Variants in NPAS3 observed in about 807,000 individuals in gnomAD.
NPAS3 encodes neuronal PAS domain-containing protein 3.
NPAS3 carries 14 observed loss-of-function variants against 73.1 expected under a neutral mutation model. That is an observed-to-expected ratio of 0.19 (90% CI 0.13 to 0.30). The LOEUF is 0.30. NPAS3 is among the 10% of genes least tolerant of loss of function. The pLI, the probability that NPAS3 is intolerant of heterozygous loss-of-function variation, is 1.00. For synonymous variants in NPAS3, 620 were observed against 541.5 expected, an observed-to-expected ratio of 1.14 and a Z score of -2.01; for missense variants, 1,096 against 1,250.0, an observed-to-expected ratio of 0.88 and a Z score of 1.86.
At chr14:33,677,908 C>T (rs1041784184) in intron 6 of NPAS3, among the ~76,000 whole-genome samples, 3 of 152,140 alleles carry the variant, frequency 2.0e-5, no homozygotes, top group African/African-American at 7.2e-5. Flanking sequence ...GTTTTTTAGT[C>T]AATAGAATGT....
intron 1 of NPAS3, among the ~76,000 whole-genome samples, chr14:33,035,581 G>A (rs1057489009): frequency 6.6e-6 from 1 of 152,068 alleles, no homozygotes. Flanking sequence ...ATCTTGTTTT[G>A]CAATTCAGGG....
chr14:33,403,949 G>C (rs2047554117), intron 4 of NPAS3, among the ~76,000 whole-genome samples: 1 of 152,072 alleles, frequency 6.6e-6, no homozygotes, highest in South Asian at 2.1e-4. Context: ...ATTTAATTAA[G>C]CAGTAAGCAC....
intron 2 of NPAS3, among the ~76,000 whole-genome samples, chr14:33,090,410 C>T (rs1358912884): frequency 1.3e-5 from 2 of 152,156 alleles, no homozygotes; most frequent in Non-Finnish European, 2.9e-5. Flanking sequence ...AAGGCCATTA[C>T]ATAATGGTAA....
At chr14:33,543,167 C>G (rs537448093) in intron 4 of NPAS3, among the ~76,000 whole-genome samples, 6 of 152,234 alleles carry the variant, frequency 3.9e-5, no homozygotes, top group Admixed American at 6.5e-5. Context: ...GTTCTCATGA[C>G]CCAGCTCTCA....
chr14:33,212,674 A>T (rs188900822), intron 2 of NPAS3, among the ~76,000 whole-genome samples: 272 of 152,258 alleles, frequency 1.8e-3, no homozygotes, highest in African/African-American at 6.2e-3. Context: ...CCATATGAAG[A>T]TGAATTTTTT....
rs536063735 is a variant in NPAS3, at chr14:33,382,195, G to A, written c.468+14927G>A. Reference sequence around the variant, plus strand: ...GGGAGGGTACTCACTTCTACATGCTGCATTTTCTCCTGCTGAAAAATAACT... The same window carrying A: ...GGGAGGGTACTCACTTCTACATGCTACATTTTCTCCTGCTGAAAAATAACT... On this transcript the variant is annotated intron_variant, in intron 4 of 11. Transcript: ENST00000356141. Among the ~76,000 whole-genome samples, 109 of 151,990 alleles carry A rather than the reference G, an allele frequency of 7.2e-4. 2 individuals carry two copies. The South Asian group carries it at 0.022, about 30-fold the overall frequency.
chr14:33,013,300 C>T (rs1004328707), intron 1 of NPAS3, among the ~76,000 whole-genome samples: 2 of 151,968 alleles, frequency 1.3e-5, no homozygotes, highest in African/African-American at 4.8e-5. Context: ...AGCAGATTCT[C>T]TTATAAAGGT....
intron 4 of NPAS3, among the ~76,000 whole-genome samples, chr14:33,494,992 C>G (rs1415932966): frequency 6.6e-6 from 1 of 152,056 alleles, no homozygotes; most frequent in Non-Finnish European, 1.5e-5. Context: ...CTGCTCTGAT[C>G]TTAGTTATTT....
intron 5 of NPAS3, among the ~76,000 whole-genome samples, chr14:33,564,809 A>T (rs955071168): frequency 6.6e-6 from 1 of 152,214 alleles, no homozygotes; most frequent in Non-Finnish European, 1.5e-5. Flanking sequence ...TCAAGTTAAT[A>T]TAGGGTCCTG....
intron 4 of NPAS3, among the ~76,000 whole-genome samples, chr14:33,434,957 A>T (rs954833860): frequency 6.6e-6 from 1 of 152,150 alleles, no homozygotes; most frequent in African/African-American, 2.4e-5. Context: ...GGGAGATGGG[A>T]ACCTATACAC....
At chr14:33,445,294 A>G (rs897411363) in intron 4 of NPAS3, among the ~76,000 whole-genome samples, 7 of 152,198 alleles carry the variant, frequency 4.6e-5, no homozygotes, top group African/African-American at 1.7e-4. Context: ...CATTTTACAT[A>G]TTACTATATG....
intron 2 of NPAS3, among the ~76,000 whole-genome samples, chr14:33,083,149 C>T (rs1218812325): frequency 8.0e-6 from 1 of 125,524 alleles, no homozygotes; most frequent in Non-Finnish European, 1.6e-5. Context: ...TGCCATTACA[C>T]TCCAGCCTGG....
chr14:32,989,078 A>G (rs1172417591), intron 1 of NPAS3, among the ~76,000 whole-genome samples: 1 of 152,094 alleles, frequency 6.6e-6, no homozygotes, highest in African/African-American at 2.4e-5. Context: ...AACTAGTGTG[A>G]TGAATGCTGT....
chr14:32,993,149 C>CA (rs538579532), intron 1 of NPAS3, among the ~76,000 whole-genome samples: 4,310 of 91,898 alleles, frequency 0.047, 125 homozygotes, highest in African/African-American at 0.12. Flanking sequence ...AACTTCGTCT[C>CA]AAAAAAAAAA....
At chr14:33,683,493 C>CTATT (rs982539797) in intron 6 of NPAS3, among the ~76,000 whole-genome samples, 10 of 138,948 alleles carry the variant, frequency 7.2e-5, no homozygotes, top group Non-Finnish European at 1.5e-4. Context: ...ATTATAAATT[C>CTATT]TATTTCTATA....
At chr14:33,711,019 T>G (rs1276534423) in intron 6 of NPAS3, among the ~76,000 whole-genome samples, 1 of 152,326 alleles carries the variant, frequency 6.6e-6, no homozygotes, top group South Asian at 2.1e-4. Context: ...AAAGTTCTGC[T>G]GGGAGCAAGC....
At chr14:33,027,299 G>T (rs966440249) in intron 1 of NPAS3, among the ~76,000 whole-genome samples, 1 of 152,136 alleles carries the variant, frequency 6.6e-6, no homozygotes, top group South Asian at 2.1e-4. Context: ...AAATAGCAAG[G>T]CAGTTCAGAG....
chr14:33,279,057 A>G (rs2041468865), intron 3 of NPAS3, among the ~76,000 whole-genome samples: 1 of 152,158 alleles, frequency 6.6e-6, no homozygotes. Flanking sequence ...CTTCAGTGTT[A>G]ATCAGAATCA....
intron 1 of NPAS3, among the ~76,000 whole-genome samples, chr14:33,009,546 AAC>A (rs2039118027): frequency 6.6e-6 from 1 of 152,196 alleles, no homozygotes; most frequent in Non-Finnish European, 1.5e-5. Flanking sequence ...TAATGACATT[AAC>A]ACTGGTGCTG....
Sources: gnomAD v4.1 joint callset for allele counts (sites outside exome capture counted in the v4.1 genomes callset) on GRCh38, gnomAD v4.1.1 for gene constraint, MANE v1.5 for transcripts, NCBI Gene and HGNC (gene_info 2026-07-23, HGNC 2026-07-21) for gene names.